Variants in ZC3H8 observed in about 807,000 individuals in gnomAD.
ZC3H8 encodes the protein zinc finger CCCH-type containing 8.
Under a neutral mutation model 42.5 loss-of-function variants are expected in ZC3H8, and 27 were observed. The ratio of observed to expected loss-of-function variants is 0.64; its 90% CI spans 0.47 to 0.88. The LOEUF (loss-of-function observed/expected upper bound fraction) is 0.88, where lower values mean the gene tolerates loss of function less well. ZC3H8 is among the 40% of genes least tolerant of loss of function. ZC3H8 has a pLI of 0.00. For missense variants in ZC3H8, 277 were observed against 336.1 expected (o/e 0.82, Z 1.37); for synonymous variants, 101 against 110.1 (o/e 0.92, Z 0.52).
intron 5 of ZC3H8, 107 bp from the exon 6 acceptor site, chr2:112,233,478 A>G (rs1362644480): frequency 1.4e-6 from 1 of 737,816 alleles, no homozygotes; most frequent in African/African-American, 1.8e-5. Flanking sequence ...AGAAAGAACC[A>G]AAGTCTTAGA....
chr2:112,249,688 T>C (rs1021866083), intron 2 of ZC3H8, among the ~76,000 whole-genome samples: 2 of 152,060 alleles, frequency 1.3e-5, no homozygotes, highest in Non-Finnish European at 2.9e-5. Context: ...TCATGATCCA[T>C]CCACCTCGGC....
chr2:112,216,256 CCA>C lies in ZC3H8; in HGVS notation c.*226_*227del, dbSNP rs1200377925. 1 of 152,272 alleles carries C rather than the reference CCA, an allele frequency of 6.6e-6. No individual in the cohort carries two copies. The highest frequency in any genetic ancestry group is 1.5e-5 in the Non-Finnish European group (1 of 68,068). 9.4% of individuals were successfully genotyped at this position (152,272 alleles called of 1,614,324 possible). A position where few individuals can be genotyped will look rare whatever the true frequency, so the allele number is the denominator to read the frequency against. The stretch of plus-strand genomic sequence containing the variant: ...CTGCCATATATGCTCCTCTCCTATT[CCA>C]ATGGCTGGAATGTCTCAGGGAAGAC... On this transcript the variant is annotated 3_prime_UTR_variant, in exon 9 of 9. Coordinates refer to ENST00000409573, the MANE Select transcript of ZC3H8 (RefSeq NM_032494.3).
intron 2 of ZC3H8, among the ~76,000 whole-genome samples, chr2:112,249,383 A>G (rs1175705516): frequency 6.6e-6 from 1 of 152,104 alleles, no homozygotes; most frequent in African/African-American, 2.4e-5. Context: ...CCCTGCCAAC[A>G]CCTTGTGCTG....
intron 8 of ZC3H8, among the ~76,000 whole-genome samples, chr2:112,223,142 A>T (rs868830400): frequency 5.3e-5 from 8 of 152,274 alleles, no homozygotes; most frequent in Admixed American, 4.6e-4. Context: ...TAGCATTAGG[A>T]GATATACCTA....
intron 8 of ZC3H8, among the ~76,000 whole-genome samples, chr2:112,219,756 G>A (rs958229116): frequency 6.6e-6 from 1 of 151,966 alleles, no homozygotes; most frequent in Non-Finnish European, 1.5e-5. Flanking sequence ...GTTTTTGGGT[G>A]GAGAGTTCTG....
At chr2:112,232,337 C>T (rs1230312009) in intron 6 of ZC3H8, among the ~76,000 whole-genome samples, 1 of 141,434 alleles carries the variant, frequency 7.1e-6, no homozygotes, top group Non-Finnish European at 1.6e-5. Context: ...AAAAAAAAGA[C>T]CTTTCCTACT....
At chr2:112,231,257 A>T (rs1558923527) in intron 7 of ZC3H8, among the ~76,000 whole-genome samples, 2 of 152,188 alleles carry the variant, frequency 1.3e-5, no homozygotes, top group Non-Finnish European at 2.9e-5. Context: ...CATATGCTCA[A>T]GGGAACATTT....
At chr2:112,240,984 T>TGCGC (rs749968538) in intron 2 of ZC3H8, among the ~76,000 whole-genome samples, 3 of 132,332 alleles carry the variant, frequency 2.3e-5, no homozygotes, top group African/African-American at 8.9e-5. Flanking sequence ...TGTGTGTGTG[T>TGCGC]GCGCGTGTGT....
intron 1 of ZC3H8, among the ~76,000 whole-genome samples, chr2:112,254,457 G>A (rs1686057032): frequency 6.6e-6 from 1 of 152,168 alleles, no homozygotes; most frequent in Non-Finnish European, 1.5e-5. Flanking sequence ...TAAACTTGTG[G>A]TTTCATCCTT....
At chr2:112,253,088 C>T (rs576541602) in intron 1 of ZC3H8, among the ~76,000 whole-genome samples, 1 of 152,002 alleles carries the variant, frequency 6.6e-6, no homozygotes, top group East Asian at 1.9e-4. Context: ...GAGCCGAGAT[C>T]GCGCCACTGC....
In ZC3H8 at chr2:112,230,957, TA is replaced by T. The variant is rs745675983; in HGVS notation, c.844-8del. 4,123 of 1,154,842 alleles carry T rather than the reference TA, an allele frequency of 3.6e-3. No homozygotes were observed. The highest frequency in any genetic ancestry group is 6.0e-3 in the East Asian group (152 of 25,300). The allele number at this position is 1,154,842 out of a possible 1,614,324, so 71.5% of individuals were successfully genotyped here. A position where few individuals can be genotyped will look rare whatever the true frequency, so the allele number is the denominator to read the frequency against. Reference sequence around the variant, plus strand: ...TCTTTTCAGTATCCAAAACCTAATATAAAAAAAAAATCACATAATCATTTTT... The same window carrying T: ...TCTTTTCAGTATCCAAAACCTAATATAAAAAAAAATCACATAATCATTTTT... On this transcript the variant is annotated splice_polypyrimidine_tract_variant and splice_region_variant and intron_variant, in intron 7 of 8. Coordinates refer to ENST00000409573, the MANE Select transcript of ZC3H8 (RefSeq NM_032494.3).
chr2:112,235,838 T>TA (rs1685294701), intron 4 of ZC3H8, among the ~76,000 whole-genome samples: 1 of 150,780 alleles, frequency 6.6e-6, no homozygotes, highest in Non-Finnish European at 1.5e-5. Flanking sequence ...ACTTTAGTAG[T>TA]AAAAAATTTG....
At chr2:112,225,271 C>T (rs902371791) in intron 8 of ZC3H8, among the ~76,000 whole-genome samples, 5 of 151,866 alleles carry the variant, frequency 3.3e-5, no homozygotes, top group Admixed American at 6.6e-5. Context: ...ATATGCAACC[C>T]ACTGGGGAAA....
Position 112,211,691 on chromosome 2 carries a change from CCA to C in ZC3H8, c.*4791_*4792del, listed in dbSNP as rs1174558653. ...GAGTCTATCAATTGTAAAATATATT[CCA>C]GTTTCAGAGATGTTAAATAATGTGT... On this transcript the variant is annotated 3_prime_UTR_variant, in exon 9 of 9. Transcript: ENST00000409573. 3.3e-5 allele frequency: 5 copies of C among 152,204 alleles called. No individual in the cohort carries two copies. Among genetic ancestry groups the C allele is most frequent in the South Asian group, 2.1e-4 (1 of 4,822 alleles). The allele number at this position is 152,204 out of a possible 1,614,324, so 9.4% of individuals were successfully genotyped here. A position where few individuals can be genotyped will look rare whatever the true frequency, so the allele number is the denominator to read the frequency against.
intron 2 of ZC3H8, among the ~76,000 whole-genome samples, chr2:112,247,108 C>G (rs1258460446): frequency 6.6e-6 from 1 of 152,170 alleles, no homozygotes; most frequent in East Asian, 1.9e-4. Context: ...GGACACCTAA[C>G]AGAGTACTGT....
At chr2:112,235,573 A>G (rs1428833737) in intron 4 of ZC3H8, among the ~76,000 whole-genome samples, 2 of 152,190 alleles carry the variant, frequency 1.3e-5, no homozygotes, top group Admixed American at 6.5e-5. Context: ...GGCATTTCTA[A>G]TATTTTACCA....
At chr2:112,227,423 G>A (rs1244154965) in intron 8 of ZC3H8, among the ~76,000 whole-genome samples, 1 of 152,216 alleles carries the variant, frequency 6.6e-6, no homozygotes. Flanking sequence ...TACTCGGGAG[G>A]CTGAGGCAGG....
chr2:112,220,223 G>A (rs191902697), intron 8 of ZC3H8, among the ~76,000 whole-genome samples: 129 of 152,268 alleles, frequency 8.5e-4, no homozygotes, highest in Non-Finnish European at 1.7e-3. Context: ...AGACATGTTT[G>A]TGTGGCTGCA....
intron 2 of ZC3H8, among the ~76,000 whole-genome samples, chr2:112,243,610 G>A (rs182652087): frequency 3.2e-4 from 48 of 150,376 alleles, no homozygotes; most frequent in Non-Finnish European, 3.7e-4. Flanking sequence ...CATTAGAATC[G>A]TATTAAAAAA....
Sources: gnomAD v4.1 joint callset for allele counts (sites outside exome capture counted in the v4.1 genomes callset) on GRCh38, gnomAD v4.1.1 for gene constraint, MANE v1.5 for transcripts, NCBI Gene and HGNC (gene_info 2026-07-23, HGNC 2026-07-21) for gene names.